Variants in DPP10 observed in about 807,000 individuals in gnomAD.
DPP10 encodes dipeptidyl peptidase like 10.
In DPP10, 33 loss-of-function variants were observed where a neutral mutation model predicts 120.9. The ratio of observed to expected loss-of-function variants is 0.27; its 90% CI spans 0.21 to 0.37. DPP10 has a LOEUF of 0.37. Among genes scored for constraint, DPP10 ranks in the 10% least tolerant of loss-of-function variants. The probability of loss-of-function intolerance (pLI) is 1.00; values close to 1 mark genes in which losing one functional copy is unlikely to be tolerated. For missense variants in DPP10, 816 were observed against 942.8 expected (o/e 0.87, Z 1.76); for synonymous variants, 337 against 326.1 (o/e 1.03, Z -0.36).
At chr2:115,316,743 A>C (rs1343357048) in intron 2 of DPP10, among the ~76,000 whole-genome samples, 1 of 152,162 alleles carries the variant, frequency 6.6e-6, no homozygotes, top group East Asian at 1.9e-4. Flanking sequence ...AATTTGATTT[A>C]GAAATGTGAT....
Position 115,723,617 on chromosome 2 carries a change from T to TG in DPP10, c.577-4199_577-4198insG, listed in dbSNP as rs200869328. Among the ~76,000 whole-genome samples the TG allele has an allele frequency of 3.7e-3, 138 of 37,800 alleles. 2 individuals are homozygous for TG. The highest frequency in any genetic ancestry group is 0.021 in the Middle Eastern group (1 of 48). The allele number at this position is 37,800 out of a possible 152,430, so 24.8% of individuals were successfully genotyped here. ...TGTATTTTGTTGTTGTTGTTGTTGTTTTTTGTTTTTTTTTTTTTTTACACG... is the reference window on the plus strand; with the variant it reads ...TGTATTTTGTTGTTGTTGTTGTTGTTGTTTTGTTTTTTTTTTTTTTTACACG... On this transcript the variant is annotated intron_variant, in intron 7 of 25. Coordinates refer to ENST00000410059, the MANE Select transcript of DPP10 (RefSeq NM_020868.6).
chr2:115,457,757 C>A (rs1440425263), intron 3 of DPP10, among the ~76,000 whole-genome samples: 1 of 152,076 alleles, frequency 6.6e-6, no homozygotes, highest in Non-Finnish European at 1.5e-5. Flanking sequence ...GTGACAGTTT[C>A]CTAAAAAGTA....
chr2:115,350,103 C>T (rs2063929557), intron 3 of DPP10, among the ~76,000 whole-genome samples: 1 of 151,952 alleles, frequency 6.6e-6, no homozygotes, highest in Admixed American at 6.6e-5. Context: ...TCTAGATGCA[C>T]ACAATTAGGT....
chr2:114,524,226 G>A (rs1295304839), intron 1 of DPP10, among the ~76,000 whole-genome samples: 1 of 152,232 alleles, frequency 6.6e-6, no homozygotes, highest in African/African-American at 2.4e-5. Flanking sequence ...AAGAAATGTG[G>A]AGGATGGGTT....
intron 5 of DPP10, among the ~76,000 whole-genome samples, chr2:115,671,701 T>C (rs940570415): frequency 6.6e-6 from 1 of 152,168 alleles, no homozygotes; most frequent in African/African-American, 2.4e-5. Context: ...TCTAGAAATT[T>C]AGAAAGCCCT....
At chr2:115,028,017 G>A (rs570271211) in intron 1 of DPP10, among the ~76,000 whole-genome samples, 2 of 151,980 alleles carry the variant, frequency 1.3e-5, no homozygotes, top group African/African-American at 2.4e-5. Flanking sequence ...TATAGTTATA[G>A]GTTTGTTGAT....
chr2:114,902,059 AG>A lies in DPP10; in HGVS notation c.61-407179del, dbSNP rs148944382. Among the ~76,000 whole-genome samples the A allele has an allele frequency of 8.9e-3, 1,349 of 152,332 alleles. 20 individuals are homozygous for A. Among genetic ancestry groups the A allele is most frequent in the African/African-American group, 0.031 (1,294 of 41,566 alleles). ...TGAGAAAGTCAGTCAAAACTTAATC[AG>A]AAAAGTGCCCAGGAAAGTTTCACTG... On this transcript the variant is annotated intron_variant, in intron 1 of 25. Transcript: ENST00000410059.
intron 1 of DPP10, among the ~76,000 whole-genome samples, chr2:114,646,159 C>CAACTAAAT (rs1696109181): frequency 7.1e-6 from 1 of 140,724 alleles, no homozygotes; most frequent in African/African-American, 2.7e-5. Flanking sequence ...GCCTCAGTCT[C>CAACTAAAT]AAATAAATAA....
chr2:114,833,628 A>G (rs1166528005), intron 1 of DPP10: 1 of 152,114 alleles, frequency 6.6e-6, no homozygotes, highest in Non-Finnish European at 1.5e-5. Context: ...AGAGTCAGGC[A>G]CCTCCAAGTC....
At chr2:114,763,941 C>T (rs769188652) in intron 1 of DPP10, among the ~76,000 whole-genome samples, 78 of 152,208 alleles carry the variant, frequency 5.1e-4, no homozygotes, top group Non-Finnish European at 1.2e-4. Context: ...TGCAGTTTGA[C>T]TCCAGAGTAC....
chr2:115,492,833 G>A (rs1380646756), intron 3 of DPP10, among the ~76,000 whole-genome samples: 3 of 152,042 alleles, frequency 2.0e-5, no homozygotes, highest in African/African-American at 7.2e-5. Flanking sequence ...AAGATCGAAA[G>A]GAATTACATG....
chr2:114,753,607 A>G (rs1251750051), intron 1 of DPP10, among the ~76,000 whole-genome samples: 1 of 152,112 alleles, frequency 6.6e-6, no homozygotes, highest in Admixed American at 6.5e-5. Flanking sequence ...TCTCGAGAAA[A>G]AGTATAGAAA....
intron 1 of DPP10, among the ~76,000 whole-genome samples, chr2:114,831,848 A>AT (rs1687152000): frequency 2.2e-5 from 1 of 45,022 alleles, no homozygotes; most frequent in African/African-American, 4.6e-5. Flanking sequence ...TCTCTCTTTA[A>AT]TTAAAAAAAA....
intron 4 of DPP10, among the ~76,000 whole-genome samples, chr2:115,525,273 G>C (rs558886359): frequency 6.6e-6 from 1 of 151,866 alleles, no homozygotes; most frequent in African/African-American, 2.4e-5. Flanking sequence ...GAATGTATTT[G>C]TTTCATTGTG....
chr2:115,049,855 T>C (rs908594290), intron 1 of DPP10, among the ~76,000 whole-genome samples: 3 of 152,146 alleles, frequency 2.0e-5, no homozygotes, highest in Non-Finnish European at 4.4e-5. Flanking sequence ...GTAAGTTACC[T>C]CAAATCTTTT....
intron 1 of DPP10, among the ~76,000 whole-genome samples, chr2:115,133,773 T>C (rs932388877): frequency 6.6e-6 from 1 of 152,200 alleles, no homozygotes; most frequent in Non-Finnish European, 1.5e-5. Flanking sequence ...GCAAATGAGC[T>C]AAACTGCTTA....
intron 5 of DPP10, among the ~76,000 whole-genome samples, chr2:115,617,655 A>T (rs2084625725): frequency 6.6e-6 from 1 of 152,176 alleles, no homozygotes; most frequent in African/African-American, 2.4e-5. Flanking sequence ...CCTAGGATCA[A>T]TAGGCTATAC....
At chr2:114,494,888 C>T (rs1348588435) in intron 1 of DPP10, among the ~76,000 whole-genome samples, 1 of 152,104 alleles carries the variant, frequency 6.6e-6, no homozygotes, top group Non-Finnish European at 1.5e-5. Context: ...AAAGCCTTCT[C>T]TTTGGGCCTT....
intron 1 of DPP10, among the ~76,000 whole-genome samples, chr2:114,471,124 T>C (rs1253266797): frequency 1.3e-5 from 2 of 152,220 alleles, no homozygotes; most frequent in African/African-American, 2.4e-5. Context: ...TTCTTTTTAG[T>C]ACATACCACA....
Sources: gnomAD v4.1 joint callset for allele counts (sites outside exome capture counted in the v4.1 genomes callset) on GRCh38, gnomAD v4.1.1 for gene constraint, MANE v1.5 for transcripts, NCBI Gene and HGNC (gene_info 2026-07-23, HGNC 2026-07-21) for gene names.